SCAI: variants seen among roughly 807,000 people sequenced by gnomAD.
The protein encoded by SCAI is suppressor of cancer cell invasion, also known as protein SCAI.
Under a neutral mutation model 92.2 loss-of-function variants are expected in SCAI, and 24 were observed. That is an observed-to-expected ratio of 0.26 (90% confidence interval 0.19 to 0.37). The LOEUF (loss-of-function observed/expected upper bound fraction) is 0.37. Among genes scored for constraint, SCAI ranks in the 10% least tolerant of loss-of-function variants. The pLI, the probability that SCAI is intolerant of heterozygous loss-of-function variation, is 1.00. For synonymous variants in SCAI, 261 were observed against 258.6 expected (o/e 1.01, Z -0.09); for missense variants, 450 against 736.2 (o/e 0.61, Z 4.50).
chr9:125,107,391 G>A lies in SCAI; in HGVS notation c.98+35242C>T, dbSNP rs56216726. Reference sequence around the variant, plus strand: ...CCCGCTGCACTCCAGCCTGGCGACAGAGGGAGACACTGTCTCAAAAAAAAA... The same window carrying A: ...CCCGCTGCACTCCAGCCTGGCGACAAAGGGAGACACTGTCTCAAAAAAAAA... On this transcript the variant is annotated intron_variant, in intron 2 of 17. Transcript: ENST00000336505. Among the ~76,000 whole-genome samples the A allele has an allele frequency of 7.8e-3, 1,155 of 147,676 alleles. 10 individuals are homozygous for A. The highest frequency in any genetic ancestry group is 0.013 in the Non-Finnish European group (879 of 67,204).
At chr9:124,992,542 C>A (rs1268388198) in intron 14 of SCAI, among the ~76,000 whole-genome samples, 1 of 152,064 alleles carries the variant, frequency 6.6e-6, no homozygotes, top group Non-Finnish European at 1.5e-5. Context: ...CACCACCCCT[C>A]CCAGCTAATT....
At chr9:124,990,496 A>G (rs1832097410) in intron 14 of SCAI, among the ~76,000 whole-genome samples, 1 of 152,166 alleles carries the variant, frequency 6.6e-6, no homozygotes, top group Non-Finnish European at 1.5e-5. Flanking sequence ...CTAAAACAAA[A>G]CAAAACAAAA....
At chr9:124,965,755 A>G (rs1440518609) in intron 17 of SCAI, among the ~76,000 whole-genome samples, 1 of 152,218 alleles carries the variant, frequency 6.6e-6, no homozygotes, top group African/African-American at 2.4e-5. Context: ...TCTATGGTAC[A>G]TATCAAGCAA....
At chr9:125,088,187 C>T (rs1321069637) in intron 2 of SCAI, among the ~76,000 whole-genome samples, 1 of 152,116 alleles carries the variant, frequency 6.6e-6, no homozygotes, top group Non-Finnish European at 1.5e-5. Context: ...CCTCAAACTC[C>T]TGGGCTCAAC....
At chr9:124,967,568 T>G (rs1209719776) in intron 17 of SCAI, among the ~76,000 whole-genome samples, 1 of 151,978 alleles carries the variant, frequency 6.6e-6, no homozygotes, top group Non-Finnish European at 1.5e-5. Flanking sequence ...TGAAAATGGC[T>G]TTTTTTTCCT....
rs1032716855 is a variant in SCAI at position 125,003,561 on chromosome 9, T to C, written c.871A>G (p.Ser291Gly). 1.2e-6 allele frequency: 2 copies of C among 1,608,748 alleles called. No individual in the cohort carries two copies. Among genetic ancestry groups the C allele is most frequent in the Non-Finnish European group, 1.7e-6 (2 of 1,175,872 alleles). ...CGGAACATGTCAACAGTTAGTTCAC[T>C]GAACTTAACCTGCAAGAAAAAAAAA... ...IGNCNNQVKF[S>G]ELTVDMFRML... The change falls in exon 10 of 18, where the codon AGT becomes GGT. Residue 291 changes from serine to glycine, a missense_variant. Physicochemically the swap from Ser to Gly is moderately conservative, Grantham distance 56. Transcript: ENST00000336505.
chr9:125,032,197 T>TATATA (rs1564386310), intron 3 of SCAI, among the ~76,000 whole-genome samples: 52 of 84,584 alleles, frequency 6.1e-4, no homozygotes, highest in African/African-American at 2.0e-3. Flanking sequence ...ATATATATAT[T>TATATA]TTTTTTTTTT....
chr9:125,039,947 GA>G (rs1833285745), intron 3 of SCAI, among the ~76,000 whole-genome samples: 1 of 152,028 alleles, frequency 6.6e-6, no homozygotes, highest in Non-Finnish European at 1.5e-5. Context: ...TTTCAATTAT[GA>G]AAATAATAAA....
chr9:125,069,997 A>C (rs560353438), intron 2 of SCAI, among the ~76,000 whole-genome samples: 24 of 152,310 alleles, frequency 1.6e-4, no homozygotes, highest in Non-Finnish European at 2.9e-4. Flanking sequence ...AAATACTATC[A>C]CATGTCTCAG....
chr9:124,998,489 G>A (rs1275444360), intron 13 of SCAI, among the ~76,000 whole-genome samples: 1 of 152,118 alleles, frequency 6.6e-6, no homozygotes, highest in Non-Finnish European at 1.5e-5. Context: ...GGTTGGGAAG[G>A]GTAGGGGAAC....
chr9:125,029,593 G>A (rs1024242722), intron 4 of SCAI, 51 bp downstream of exon 4: 1 of 1,080,242 alleles, frequency 9.3e-7, no homozygotes, highest in Non-Finnish European at 1.4e-6. Flanking sequence ...TAAAAACTGT[G>A]ACTAATACAA....
At position 125,142,626 on chromosome 9, in the gene SCAI, G is replaced by T. The variant is rs1423648078; in HGVS notation, c.98+7C>A. The stretch of plus-strand genomic sequence containing the variant: ...ACATGAAGCAAAATAGGAAGGCACT[G>T]CCTTACCTGCTTCTCCGTTTTCGAG... On this transcript the variant is annotated splice_region_variant and intron_variant, in intron 2 of 17. Transcript: ENST00000336505. The T allele has an allele frequency of 6.2e-7, 1 of 1,612,672 alleles. No individual in the cohort carries two copies. The highest frequency in any genetic ancestry group is 1.3e-5 in the African/African-American group (1 of 74,864).
chr9:125,012,499 C>T (rs1832660109), intron 9 of SCAI, among the ~76,000 whole-genome samples: 1 of 152,144 alleles, frequency 6.6e-6, no homozygotes, highest in South Asian at 2.1e-4. Flanking sequence ...TATATATGCA[C>T]CCAATACAAG....
intron 2 of SCAI, among the ~76,000 whole-genome samples, chr9:125,130,971 A>C (rs1312307919): frequency 7.9e-5 from 8 of 101,372 alleles, no homozygotes; most frequent in Non-Finnish European, 1.4e-4. Context: ...TTGGAGACAG[A>C]GGTCTCACTA....
intron 2 of SCAI, among the ~76,000 whole-genome samples, chr9:125,109,385 AAGAC>A (rs1364321355): frequency 4.0e-5 from 6 of 151,776 alleles, no homozygotes; most frequent in Admixed American, 3.3e-4. Flanking sequence ...ATAATAATAA[AAGAC>A]AGGTCTCTGG....
At chr9:124,998,452 C>CA (rs369315605) in intron 13 of SCAI, among the ~76,000 whole-genome samples, 2,073 of 139,352 alleles carry the variant, frequency 0.015, 26 homozygotes, top group Middle Eastern at 0.033. Context: ...GATTCCATCT[C>CA]AAAAAAAAAA....
Position 124,999,712 on chromosome 9 carries a change from G to A in SCAI, c.1244+179C>T, listed in dbSNP as rs188933590. On this transcript the variant is annotated intron_variant, in intron 13 of 17. Transcript: ENST00000336505. The stretch of plus-strand genomic sequence containing the variant: ...ATCAACCAAAAGTTCTAATTTCCTA[G>A]GATAGACAGAGCCTGAATTATTGCT... Among the ~76,000 whole-genome samples, 28 of 152,182 alleles carry A rather than the reference G, an allele frequency of 1.8e-4. 1 individual carries two copies. The highest frequency in any genetic ancestry group is 1.7e-3 in the Admixed American group (26 of 15,276).
intron 2 of SCAI, among the ~76,000 whole-genome samples, chr9:125,070,397 C>CT (rs34011891): frequency 0.12 from 13,792 of 118,342 alleles, 1,140 homozygotes; most frequent in Non-Finnish European, 0.17. Flanking sequence ...TAAAAACAAT[C>CT]TTTTTTTTTT....
At chr9:125,002,077 C>A (rs774032265) in intron 11 of SCAI, 34 bp from the exon 12 acceptor site, 1 of 1,397,906 alleles carries the variant, frequency 7.2e-7, no homozygotes, top group Non-Finnish European at 1.0e-6. Flanking sequence ...CACAAAACAA[C>A]AAACAAGGAT....
Sources: gnomAD v4.1 joint callset for allele counts (sites outside exome capture counted in the v4.1 genomes callset) on GRCh38, gnomAD v4.1.1 for gene constraint, MANE v1.5 for transcripts, NCBI Gene and HGNC (gene_info 2026-07-23, HGNC 2026-07-21) for gene names.